The following SYN3 variants were observed in gnomAD, a reference collection of about 807,000 sequenced individuals.
SYN3 encodes synapsin III, also known as synapsin-3.
In SYN3, 35 loss-of-function variants were observed where a neutral mutation model predicts 65.8. That is an observed-to-expected ratio of 0.53 (90% CI 0.41 to 0.70). SYN3 has a LOEUF of 0.70. Among genes scored for constraint, SYN3 ranks in the 30% least tolerant of loss-of-function variants. The pLI is 0.00. For missense variants in SYN3, 680 were observed against 749.0 expected, an observed-to-expected ratio of 0.91 and a Z score of 1.08; for synonymous variants, 270 against 292.9, an observed-to-expected ratio of 0.92 and a Z score of 0.80.
At chr22:32,529,414 G>A (rs2058034389) in intron 10 of SYN3, among the ~76,000 whole-genome samples, 1 of 152,302 alleles carries the variant, frequency 6.6e-6, no homozygotes, top group African/African-American at 2.4e-5. Context: ...AACAGTAAAG[G>A]TGGGGGCTTG....
intron 7 of SYN3, among the ~76,000 whole-genome samples, chr22:32,549,146 C>G (rs551219184): frequency 6.6e-6 from 1 of 152,198 alleles, no homozygotes; most frequent in Admixed American, 6.5e-5. Flanking sequence ...CCATGGTGCT[C>G]CATGCACACA....
intron 6 of SYN3, among the ~76,000 whole-genome samples, chr22:32,858,816 C>T (rs938131184): frequency 2.0e-5 from 3 of 152,140 alleles, no homozygotes; most frequent in Non-Finnish European, 4.4e-5. Flanking sequence ...AAAGTTTATG[C>T]TCTAACCTTT....
intron 6 of SYN3, among the ~76,000 whole-genome samples, chr22:32,637,611 GTTTTCTTT>G (rs1415061229): frequency 7.7e-6 from 1 of 130,298 alleles, no homozygotes; most frequent in Non-Finnish European, 1.6e-5. Flanking sequence ...CAACAGTTAG[GTTTTCTTT>G]TTTTCTTTTT....
intron 2 of SYN3, among the ~76,000 whole-genome samples, chr22:32,991,360 A>AATAATAATAATAAT (rs1556097837): frequency 6.1e-5 from 9 of 148,744 alleles, no homozygotes; most frequent in Non-Finnish European, 1.0e-4. Flanking sequence ...TAATAATAAT[A>AATAATAATAATAAT]ATAATAATAA....
intron 3 of SYN3, among the ~76,000 whole-genome samples, chr22:32,958,824 T>C (rs563536452): frequency 1.8e-4 from 28 of 152,108 alleles, no homozygotes; most frequent in Non-Finnish European, 3.5e-4. Flanking sequence ...CTTTTGACTG[T>C]TTCACTAGGC....
intron 6 of SYN3, among the ~76,000 whole-genome samples, chr22:32,781,822 T>C (rs1308500360): frequency 1.3e-5 from 2 of 152,164 alleles, no homozygotes; most frequent in African/African-American, 4.8e-5. Flanking sequence ...GCACAGAGAA[T>C]TGGATTACTG....
intron 6 of SYN3, among the ~76,000 whole-genome samples, chr22:32,669,681 AT>A (rs1456852027): frequency 6.6e-6 from 1 of 152,204 alleles, no homozygotes; most frequent in Non-Finnish European, 1.5e-5. Flanking sequence ...AGTTTTATAC[AT>A]GGTTGTCCAG....
At chr22:32,567,060 G>A (rs9609597) in intron 7 of SYN3, among the ~76,000 whole-genome samples, 6,431 of 152,226 alleles carry the variant, frequency 0.042, 166 homozygotes, top group African/African-American at 0.053. Flanking sequence ...CGTGGGGCTT[G>A]AAGAGAGCAG....
At chr22:32,982,791 T>C (rs1217213128) in intron 2 of SYN3, among the ~76,000 whole-genome samples, 1 of 152,224 alleles carries the variant, frequency 6.6e-6, no homozygotes, top group African/African-American at 2.4e-5. Flanking sequence ...TTGTTGAGTA[T>C]CAACTCTTGT....
intron 4 of SYN3, among the ~76,000 whole-genome samples, chr22:32,890,488 C>T (rs939903919): frequency 6.6e-6 from 1 of 152,126 alleles, no homozygotes; most frequent in African/African-American, 2.4e-5. Context: ...TCACACCATT[C>T]TCCTGCCTCA....
intron 4 of SYN3, among the ~76,000 whole-genome samples, chr22:32,897,307 T>A (rs2049621969): frequency 1.3e-5 from 2 of 152,140 alleles, no homozygotes; most frequent in Non-Finnish European, 2.9e-5. Flanking sequence ...GGCCCACACT[T>A]AGGGAGCCCC....
At chr22:32,724,222 C>G (rs1047406482) in intron 6 of SYN3, among the ~76,000 whole-genome samples, 6 of 151,216 alleles carry the variant, frequency 4.0e-5, no homozygotes, top group African/African-American at 1.5e-4. Flanking sequence ...CCATTCACCT[C>G]TTCCAATATA....
intron 6 of SYN3, among the ~76,000 whole-genome samples, chr22:32,637,789 C>T (rs2059839793): frequency 6.6e-6 from 1 of 151,934 alleles, no homozygotes; most frequent in Non-Finnish European, 1.5e-5. Flanking sequence ...AGGCATGTGC[C>T]ACCATGCCCA....
At chr22:32,735,618 G>T (rs2061328542) in intron 6 of SYN3, among the ~76,000 whole-genome samples, 1 of 152,090 alleles carries the variant, frequency 6.6e-6, no homozygotes. Flanking sequence ...TCTAGAAGGG[G>T]ATCTGTCTTA....
intron 1 of SYN3, among the ~76,000 whole-genome samples, chr22:33,018,763 C>T (rs2053513763): frequency 6.6e-6 from 1 of 152,174 alleles, no homozygotes; most frequent in South Asian, 2.1e-4. Context: ...AAACTTCTTT[C>T]CTTGCTCACC....
At chr22:32,513,951 C>T in intron 13 of SYN3, 127 bp from the exon 14 acceptor site, 1 of 1,215,138 alleles carries the variant, frequency 8.2e-7, no homozygotes. Flanking sequence ...GACCAGAAAC[C>T]AGGCATTCCA....
intron 2 of SYN3, among the ~76,000 whole-genome samples, chr22:32,983,034 C>A (rs527393940): frequency 6.6e-6 from 1 of 152,094 alleles, no homozygotes; most frequent in Non-Finnish European, 1.5e-5. Context: ...GTTTGGATAT[C>A]GTCTCACAAA....
intron 6 of SYN3, among the ~76,000 whole-genome samples, chr22:32,614,828 TC>T (rs2059492648): frequency 6.6e-6 from 1 of 152,096 alleles, no homozygotes; most frequent in Non-Finnish European, 1.5e-5. Context: ...GGCCCCCTCC[TC>T]GGAATCCAGA....
Position 32,693,842 on chromosome 22 carries a change from C to T in SYN3, c.712-97106G>A, listed in dbSNP as rs1396795192. On this transcript the variant is annotated intron_variant, in intron 6 of 13. Transcript: ENST00000358763. ...CCTGACCTCAAGTAATCCAGCCTCC[C>T]AAAGTGCTGGGATTACAGGCATGAG... is the stretch of plus-strand genomic sequence containing the variant. Among the ~76,000 whole-genome samples, 4 of 151,970 alleles carry T rather than the reference C, an allele frequency of 2.6e-5. No individual in the cohort carries two copies. In the East Asian group the frequency reaches 7.7e-4, roughly 29 times the overall value.
Sources: gnomAD v4.1 joint callset for allele counts (sites outside exome capture counted in the v4.1 genomes callset) on GRCh38, gnomAD v4.1.1 for gene constraint, MANE v1.5 for transcripts, NCBI Gene and HGNC (gene_info 2026-07-23, HGNC 2026-07-21) for gene names.